ALDH7A1: variants seen among roughly 807,000 people sequenced by gnomAD.
ALDH7A1 encodes aldehyde dehydrogenase 7 family member A1.
Under a neutral mutation model 79.9 loss-of-function variants are expected in ALDH7A1, and 63 were observed. The observed-to-expected ratio is 0.79, with a 90% CI of 0.64 to 0.97. The LOEUF (loss-of-function observed/expected upper bound fraction) is 0.97, where lower values mean the gene tolerates loss of function less well. Ranked by LOEUF, ALDH7A1 falls within the 50% of genes least tolerant of loss-of-function variation. The pLI, the probability that ALDH7A1 is intolerant of heterozygous loss-of-function variation, is 0.00. For missense variants in ALDH7A1, 627 were observed against 665.2 expected (o/e 0.94, Z 0.63); for synonymous variants, 240 against 231.2 (o/e 1.04, Z -0.34).
intron 5 of ALDH7A1, chr5:126,580,098 T>C (rs1030789896): frequency 1.2e-5 from 2 of 167,390 alleles, no homozygotes; most frequent in Non-Finnish European, 2.9e-5. Flanking sequence ...ACTGTATTGT[T>C]GTTATTGCTG....
At chr5:126,593,573 T>C (rs1751633727) in intron 1 of ALDH7A1, 169 bp from the exon 2 acceptor site, 1 of 957,238 alleles carries the variant, frequency 1.0e-6, no homozygotes, top group Admixed American at 2.4e-5. Context: ...AGAGGTTGTC[T>C]TTCATTTCTG....
chr5:126,553,375 T>G (rs1750068942), intron 13 of ALDH7A1: 1 of 152,208 alleles, frequency 6.6e-6, no homozygotes, highest in Non-Finnish European at 1.5e-5. Context: ...CTTTCCAATT[T>G]TAGTATATGT....
chr5:126,545,079 C>G lies in ALDH7A1; in HGVS notation c.1566-60G>C, dbSNP rs866364436. On this transcript the variant is annotated intron_variant, in intron 17 of 17. Transcript: ENST00000409134. ...CATACATAACAGAAGATTTTCATGC[C>G]CACTTTTAAAATGTAGCAGATCTGT... 1.2e-5 allele frequency: 16 copies of G among 1,286,910 alleles called. 2 individuals are homozygous for G. The Middle Eastern group carries it at 2.6e-3, about 208-fold the overall frequency. 79.7% of individuals were successfully genotyped at this position (1,286,910 alleles called of 1,614,324 possible).
chr5:126,595,083 T>C lies in ALDH7A1; in HGVS notation c.116A>G (p.Tyr39Cys). The change falls in exon 1 of 18, where the codon TAT becomes TGT. Residue 39 changes from tyrosine (Y) to cysteine (C), a missense_variant. Coordinates refer to ENST00000409134, the MANE Select transcript of ALDH7A1 (RefSeq NM_001182.5). ...GAGCCCCAGCTCTTTCAGCCACGCA[T>C]ACTGGGGCTGATTGATGAGGAGAGT... ...MSTLLINQPQ[Y>C]AWLKELGLRE... 1 of 1,605,834 alleles carries C rather than the reference T, an allele frequency of 6.2e-7. No individual in the cohort carries two copies.
intron 9 of ALDH7A1, among the ~76,000 whole-genome samples, chr5:126,563,561 C>G (rs1750470992): frequency 1.3e-5 from 2 of 150,688 alleles, no homozygotes; most frequent in African/African-American, 5.0e-5. Context: ...GTGATCTCGG[C>G]TCACTGCAAA....
intron 2 of ALDH7A1, 131 bp from the exon 3 acceptor site, chr5:126,592,860 G>C: frequency 1.1e-6 from 1 of 890,598 alleles, no homozygotes; most frequent in Non-Finnish European, 1.8e-6. Flanking sequence ...GGCTGAGAAT[G>C]ATTCCCACAG....
At chr5:126,569,779 A>G (rs1750714697) in intron 8 of ALDH7A1, 1 of 152,192 alleles carries the variant, frequency 6.6e-6, no homozygotes, top group African/African-American at 2.4e-5. Flanking sequence ...AAATTTTCTC[A>G]TTAATATGAA....
In ALDH7A1 at chr5:126,561,027, G is replaced by A. The variant is rs1329197232; in HGVS notation, c.913+56C>T. ...TCCCAAACAAGTTCCATATATTCAG[G>A]ATGGCGACTGTGGAAACTGAACAGA... On this transcript the variant is annotated intron_variant, in intron 10 of 17. Transcript: ENST00000409134. 2.8e-5 allele frequency: 44 copies of A among 1,580,146 alleles called. No individual in the cohort carries two copies. In the East Asian group the frequency reaches 9.6e-4, roughly 35 times the overall value.
In ALDH7A1 at chr5:126,576,746, T is replaced by G. The variant is rs1407056688; in HGVS notation, c.650+333A>C. ...TTCAAAACCAGCCTGGCCAACATCG[T>G]GAAACCCCATCTCTACTAAAAATAC... On this transcript the variant is annotated intron_variant, in intron 6 of 17. Transcript: ENST00000409134. 5.9e-5 allele frequency among the ~76,000 whole-genome samples: 9 copies of G among 152,106 alleles called. No homozygotes were observed. The South Asian group carries it at 8.3e-4, about 14-fold the overall frequency.
intron 5 of ALDH7A1, among the ~76,000 whole-genome samples, chr5:126,578,456 T>A (rs966133948): frequency 6.6e-6 from 1 of 151,884 alleles, no homozygotes; most frequent in Non-Finnish European, 1.5e-5. Flanking sequence ...TGGATCAACA[T>A]GGCAAGACCC....
intron 2 of ALDH7A1, among the ~76,000 whole-genome samples, 169 bp from the exon 3 acceptor site, chr5:126,592,898 C>A (rs1751598223): frequency 6.6e-6 from 1 of 152,198 alleles, no homozygotes; most frequent in Non-Finnish European, 1.5e-5. Context: ...TAGCTAGAAC[C>A]CGGTAAAACA....
chr5:126,576,201 T>C (rs1750960863), intron 6 of ALDH7A1, among the ~76,000 whole-genome samples: 1 of 145,396 alleles, frequency 6.9e-6, no homozygotes, highest in Non-Finnish European at 1.5e-5. Context: ...AGGCGGAGCT[T>C]GCAGAGAGCC....
chr5:126,593,374 CGTT>C lies in ALDH7A1; in HGVS notation c.220_222del (p.Asn74del). 2 of 1,612,540 alleles carry C rather than the reference CGTT, an allele frequency of 1.2e-6. No individual in the cohort carries two copies. Among genetic ancestry groups the C allele is most frequent in the Non-Finnish European group, 1.7e-6 (2 of 1,179,866 alleles). On this transcript the variant is annotated inframe_deletion, in exon 2 of 18. Coordinates refer to ENST00000409134, the MANE Select transcript of ALDH7A1 (RefSeq NM_001182.5). ...ACCTGTCGGACTCTTGCTATTGGCTCGTTGTTAGCAGGGCAATAGGTCGTAATA... is the reference window on the plus strand; with the variant it reads ...ACCTGTCGGACTCTTGCTATTGGCTCGTTAGCAGGGCAATAGGTCGTAATA...
At chr5:126,580,258 C>T (rs531476931) in intron 5 of ALDH7A1, among the ~76,000 whole-genome samples, 1 of 152,098 alleles carries the variant, frequency 6.6e-6, no homozygotes, top group East Asian at 1.9e-4. Flanking sequence ...GCCACCATGC[C>T]CAGCTAATCC....
At chr5:126,559,042 G>A (rs1404594872) in intron 11 of ALDH7A1, among the ~76,000 whole-genome samples, 198 bp downstream of exon 11, 2 of 152,242 alleles carry the variant, frequency 1.3e-5, no homozygotes, top group East Asian at 3.9e-4. Context: ...ATTATCTTGG[G>A]GTGGGAAAAA....
chr5:126,544,962 C>A lies in ALDH7A1; in HGVS notation c.*3G>T. The A allele has an allele frequency of 3.1e-6, 5 of 1,606,638 alleles. No homozygotes were observed. The highest frequency in any genetic ancestry group is 4.3e-6 in the Non-Finnish European group (5 of 1,173,412). On this transcript the variant is annotated 3_prime_UTR_variant, in exon 18 of 18. Transcript: ENST00000409134. ...AATTAAGGGATGTTCATCTAAAACA[C>A]CTTTACTGAAACTTGATTCCTTGGG...
intron 6 of ALDH7A1, among the ~76,000 whole-genome samples, chr5:126,576,262 C>CAAAA (rs35284915): frequency 1.8e-4 from 16 of 89,182 alleles, no homozygotes; most frequent in African/African-American, 3.7e-4. Flanking sequence ...GACTCTGTCA[C>CAAAA]AAAAAAAAAA....
At chr5:126,566,769 C>T (rs80325960) in intron 9 of ALDH7A1, among the ~76,000 whole-genome samples, 2 of 152,220 alleles carry the variant, frequency 1.3e-5, no homozygotes, top group Non-Finnish European at 2.9e-5. Flanking sequence ...AGATTTAAGC[C>T]TTCTATTCCA....
intron 5 of ALDH7A1, among the ~76,000 whole-genome samples, chr5:126,582,433 A>AT (rs945338179): frequency 1.8e-4 from 27 of 152,224 alleles, no homozygotes; most frequent in South Asian, 1.5e-3. Context: ...ATTGGCTTAG[A>AT]TTTTTTCCCC....
Sources: gnomAD v4.1 joint callset for allele counts (sites outside exome capture counted in the v4.1 genomes callset) on GRCh38, gnomAD v4.1.1 for gene constraint, MANE v1.5 for transcripts, NCBI Gene and HGNC (gene_info 2026-07-23, HGNC 2026-07-21) for gene names.